ZNF438: variants seen among roughly 807,000 people sequenced by gnomAD.
ZNF438 encodes zinc finger protein 438.
Under a neutral mutation model 38.0 loss-of-function variants are expected in ZNF438, and 25 were observed. The observed-to-expected ratio is 0.66, with a 90% CI of 0.48 to 0.92. ZNF438 has a LOEUF of 0.92. Among genes scored for constraint, ZNF438 ranks in the 40% least tolerant of loss-of-function variants. ZNF438 has a pLI of 0.00. For missense variants in ZNF438, 1,007 were observed against 999.6 expected (o/e 1.01, Z -0.10); for synonymous variants, 372 against 364.1 (o/e 1.02, Z -0.25).
intron 1 of ZNF438, among the ~76,000 whole-genome samples, chr10:30,968,802 T>C (rs1395885513): frequency 6.6e-6 from 1 of 152,124 alleles, no homozygotes; most frequent in African/African-American, 2.4e-5. Context: ...TATTTCTAGC[T>C]GTTACTTGGA....
intron 1 of ZNF438, among the ~76,000 whole-genome samples, chr10:31,019,749 G>A (rs985796961): frequency 2.6e-5 from 4 of 152,246 alleles, no homozygotes; most frequent in African/African-American, 9.6e-5. Context: ...TTGTAGAAGC[G>A]TGTCCTGCAT....
At chr10:30,928,083 A>G (rs912185888) in intron 2 of ZNF438, among the ~76,000 whole-genome samples, 1 of 152,212 alleles carries the variant, frequency 6.6e-6, no homozygotes, top group Admixed American at 6.5e-5. Context: ...AAAGACACTT[A>G]CTTTCTATTT....
chr10:30,853,444 C>A (rs1047867409), intron 4 of ZNF438, among the ~76,000 whole-genome samples: 7 of 152,168 alleles, frequency 4.6e-5, no homozygotes, highest in African/African-American at 1.7e-4. Context: ...TGCTCCACTC[C>A]AGCCATGGTG....
At chr10:30,910,683 C>CAA (rs11375197) in intron 2 of ZNF438, among the ~76,000 whole-genome samples, 1,300 of 88,956 alleles carry the variant, frequency 0.015, 21 homozygotes, top group Non-Finnish European at 0.016. Context: ...GTATATTGGC[C>CAA]AAAAAAAAAA....
chr10:30,952,489 C>G (rs933500058), intron 1 of ZNF438, among the ~76,000 whole-genome samples: 3 of 151,398 alleles, frequency 2.0e-5, no homozygotes, highest in African/African-American at 7.3e-5. Context: ...AGAAAATTTT[C>G]GCAACCTACT....
intron 3 of ZNF438, among the ~76,000 whole-genome samples, chr10:30,889,798 T>C (rs2040446134): frequency 6.6e-6 from 1 of 152,212 alleles, no homozygotes; most frequent in Non-Finnish European, 1.5e-5. Flanking sequence ...TGCAATGAGT[T>C]AAAAACCTGG....
At chr10:30,859,826 G>A (rs1359492002) in intron 4 of ZNF438, among the ~76,000 whole-genome samples, 2 of 152,158 alleles carry the variant, frequency 1.3e-5, no homozygotes, top group African/African-American at 2.4e-5. Context: ...CACAAATCTT[G>A]AATGATCAGC....
At chr10:30,923,913 T>C (rs1036123099) in intron 2 of ZNF438, among the ~76,000 whole-genome samples, 2 of 152,210 alleles carry the variant, frequency 1.3e-5, no homozygotes, top group African/African-American at 4.8e-5. Context: ...TTTGATTCTA[T>C]GTGTAATAAG....
chr10:30,910,922 C>A (rs1204780427), intron 2 of ZNF438, among the ~76,000 whole-genome samples: 1 of 151,984 alleles, frequency 6.6e-6, no homozygotes, highest in Non-Finnish European at 1.5e-5. Context: ...CCAGAAGAGT[C>A]ACTACAAAAT....
chr10:30,991,351 C>T (rs2053472265), intron 1 of ZNF438, among the ~76,000 whole-genome samples: 1 of 152,284 alleles, frequency 6.6e-6, no homozygotes, highest in South Asian at 2.1e-4. Context: ...CTAGCCAGCC[C>T]TCATTTGTGG....
chr10:30,872,379 T>C (rs1418080675), intron 4 of ZNF438, among the ~76,000 whole-genome samples: 1 of 132,856 alleles, frequency 7.5e-6, no homozygotes, highest in Admixed American at 9.0e-5. Flanking sequence ...TGAGCCGAGA[T>C]TGCACCACTG....
At position 30,986,847 on chromosome 10, in the gene ZNF438, C is replaced by T. The variant is rs760839625; in HGVS notation, c.-192+44986G>A. On this transcript the variant is annotated intron_variant, in intron 1 of 5. Transcript: ENST00000413025. Reference sequence around the variant, plus strand: ...AGATGCTCAATCTGTAGTAAGCAGACGAATTCATGAAAACAAAATCTGTGA... The same window carrying T: ...AGATGCTCAATCTGTAGTAAGCAGATGAATTCATGAAAACAAAATCTGTGA... Among the ~76,000 whole-genome samples the T allele has an allele frequency of 1.2e-4, 18 of 152,116 alleles. 1 individual carries two copies. The highest frequency in any genetic ancestry group is 1.9e-4 in the East Asian group (1 of 5,174).
At chr10:30,847,756 C>T (rs1177926787) in intron 5 of ZNF438, among the ~76,000 whole-genome samples, 1 of 152,220 alleles carries the variant, frequency 6.6e-6, no homozygotes. Context: ...CCTGGTCCAG[C>T]CACAGCCTTG....
chr10:30,949,885 C>A (rs2047951713), intron 1 of ZNF438, among the ~76,000 whole-genome samples: 3 of 152,128 alleles, frequency 2.0e-5, no homozygotes, highest in African/African-American at 7.2e-5. Context: ...CTCAGCTCTG[C>A]ACCAAGCGGA....
At chr10:30,952,303 A>C (rs34392253) in intron 1 of ZNF438, among the ~76,000 whole-genome samples, 56,834 of 147,926 alleles carry the variant, frequency 0.38, 10,861 homozygotes, top group Admixed American at 0.4. Flanking sequence ...AAACCCTAGA[A>C]GAAAACCTAG....
chr10:30,868,600 A>T (rs1474765581), intron 4 of ZNF438, among the ~76,000 whole-genome samples: 1 of 152,230 alleles, frequency 6.6e-6, no homozygotes, highest in African/African-American at 2.4e-5. Context: ...TTAGATTTTT[A>T]AAAACAGAAA....
intron 1 of ZNF438, among the ~76,000 whole-genome samples, chr10:30,979,781 T>C (rs1404581134): frequency 6.6e-6 from 1 of 152,334 alleles, no homozygotes; most frequent in Non-Finnish European, 1.5e-5. Context: ...TAGCACTCTT[T>C]AAACTGAGGA....
At chr10:30,845,316 T>C in exon 6 of ZNF438, 1 of 1,614,132 alleles carries the variant, frequency 6.2e-7, no homozygotes. Context: ...ATGAACCTTC[T>C]CCGGCTTCCC....
chr10:30,988,366 T>C (rs2053086101), intron 1 of ZNF438, among the ~76,000 whole-genome samples: 2 of 152,086 alleles, frequency 1.3e-5, no homozygotes. Context: ...TACAATTTTA[T>C]GAAGCAATTA....
Sources: gnomAD v4.1 joint callset for allele counts (sites outside exome capture counted in the v4.1 genomes callset) on GRCh38, gnomAD v4.1.1 for gene constraint, MANE v1.5 for transcripts, NCBI Gene and HGNC (gene_info 2026-07-23, HGNC 2026-07-21) for gene names.